NOP9: variants seen among roughly 807,000 people sequenced by gnomAD.
NOP9 encodes the protein NOP9 nucleolar protein, also known as nucleolar protein 9.
Under a neutral mutation model 63.0 loss-of-function variants are expected in NOP9, and 50 were observed. That is an observed-to-expected ratio of 0.79 (90% confidence interval 0.63 to 1.00). The LOEUF (loss-of-function observed/expected upper bound fraction) is 1.00. Ranked by LOEUF, NOP9 falls within the 50% of genes least tolerant of loss-of-function variation. The probability of loss-of-function intolerance (pLI) is 0.00; values close to 1 mark genes in which losing one functional copy is unlikely to be tolerated. For missense variants in NOP9, 758 were observed against 803.0 expected (o/e 0.94, Z 0.68); for synonymous variants, 343 against 332.8 (o/e 1.03, Z -0.33).
intron 9 of NOP9, 42 bp from the exon 10 acceptor site, chr14:24,304,896 T>C: frequency 1.3e-6 from 2 of 1,495,390 alleles, no homozygotes; most frequent in Non-Finnish European, 1.8e-6. Flanking sequence ...AGAGTCTGTC[T>C]TTGAGCATGG....
At chr14:24,298,426 C>T (rs1200158901), upstream of NOP9, among the ~76,000 whole-genome samples, 1 of 152,028 alleles carries the variant, frequency 6.6e-6, no homozygotes. Flanking sequence ...CAATGCCTAG[C>T]AAATCATGGA....
rs1271094105 is a variant in NOP9, at chr14:24,303,922, C to G, written c.1410+65C>G. ...GTCAGGCCTCCCAGGGTTTAGCAAGCGTCTGACTTCTGAGGTGAGAGTGGT... is the reference window on the plus strand; with the variant it reads ...GTCAGGCCTCCCAGGGTTTAGCAAGGGTCTGACTTCTGAGGTGAGAGTGGT... On this transcript the variant is annotated intron_variant, in intron 7 of 9. Coordinates refer to ENST00000267425, the MANE Select transcript of NOP9 (RefSeq NM_174913.3). 17 of 1,599,576 alleles carry G rather than the reference C, an allele frequency of 1.1e-5. No individual in the cohort carries two copies. The South Asian group carries it at 1.9e-4, about 18-fold the overall frequency.
At position 24,304,921 on chromosome 14, in the gene NOP9, A is replaced by T; in HGVS notation, c.1754-17A>T. ...TTTGAGCATGGTAGTACTAAACATG[A>T]GTGGTTCCCTTTGCAGGGGAGCAGA... is the stretch of plus-strand genomic sequence containing the variant. On this transcript the variant is annotated splice_polypyrimidine_tract_variant and intron_variant, in intron 9 of 9. Transcript: ENST00000267425. 6.6e-7 allele frequency: 1 copy of T among 1,513,592 alleles called. No homozygotes were observed. The allele number at this position is 1,513,592 out of a possible 1,614,324, so 93.8% of individuals were successfully genotyped here.
the NOP9 span, among the ~76,000 whole-genome samples, chr14:24,282,756 A>G: frequency 1.3e-5 from 2 of 152,152 alleles, no homozygotes; most frequent in Non-Finnish European, 2.9e-5. Context: ...TCCATTCTCA[A>G]GGGTCTACAG....
upstream of NOP9, chr14:24,296,647 G>C: frequency 6.2e-7 from 1 of 1,613,404 alleles, no homozygotes; most frequent in South Asian, 1.1e-5. Context: ...GAGGGGCTGG[G>C]TAATGGAAGG....
chr14:24,302,239 C>T lies in NOP9; in HGVS notation c.958C>T (p.Leu320=), dbSNP rs1371241124. The T allele has an allele frequency of 1.2e-6, 2 of 1,611,704 alleles. No individual in the cohort carries two copies. Among genetic ancestry groups the T allele is most frequent in the African/African-American group, 1.3e-5 (1 of 74,894 alleles). The part of the protein sequence containing the change: ...RGSSVDGSPL[L]LFLRDQTSSR... ...TGCCCTTCTTGTCCCTAGTCCCCTA[C>T]TGCTATTTCTCCGAGATCAGACGAG... Residue 320 remains leucine, a synonymous_variant, in exon 5 of 10, where the codon CTG becomes TTG. Transcript: ENST00000267425.
Position 24,303,176 on chromosome 14 carries a change from G to A in NOP9, c.1246G>A (p.Gly416Arg), listed in dbSNP as rs1175553860. 1 of 1,613,928 alleles carries A rather than the reference G, an allele frequency of 6.2e-7. No homozygotes were observed. Among genetic ancestry groups the A allele is most frequent in the African/African-American group, 1.3e-5 (1 of 74,894 alleles). Residue 416 changes from glycine (G) to arginine (R), a missense_variant, in exon 6 of 10, where the codon GGG (glycine) becomes AGG (arginine). Physicochemically the swap from Gly to Arg is moderately radical, Grantham distance 125. Transcript: ENST00000267425. ...CCTGGTGGGGGCCTGTCGCAGAGTT[G>A]GGGCCTACCAAGCCAAGGTCCTACA... The part of the protein sequence containing the change: ...IALVGACRRV[G>R]AYQAKVLQLL...
chr14:24,292,217 C>A, the NOP9 span: 1 of 1,614,190 alleles, frequency 6.2e-7, no homozygotes, highest in Non-Finnish European at 8.5e-7. Flanking sequence ...GGACCTCCTC[C>A]TTTGCCATAT....
Position 24,302,129 on chromosome 14 carries a change from G to A in NOP9, c.950+23G>A, listed in dbSNP as rs770145776. On this transcript the variant is annotated intron_variant, in intron 4 of 9. Transcript: ENST00000267425. ...CAGGTATGGTCAGGGCCTCAGGATC[G>A]ACCCAAGTTGGCGGGGCTGTGTGAA... is the stretch of plus-strand genomic sequence containing the variant. The A allele has an allele frequency of 1.1e-5, 18 of 1,607,028 alleles. No homozygotes were observed. The South Asian group carries it at 1.7e-4, about 15-fold the overall frequency.
At position 24,305,319 on chromosome 14, in the gene NOP9, A is replaced by G. The variant is rs976404118; in HGVS notation, c.*224A>G. ...GCTGGGGAGTTTAGGGACAGGAGGCATTGGTAGGGGATTAGATGTAGCAGC... is the reference window on the plus strand; with the variant it reads ...GCTGGGGAGTTTAGGGACAGGAGGCGTTGGTAGGGGATTAGATGTAGCAGC... On this transcript the variant is annotated 3_prime_UTR_variant, in exon 10 of 10. Coordinates refer to ENST00000267425, the MANE Select transcript of NOP9 (RefSeq NM_174913.3). 2.5e-5 allele frequency: 14 copies of G among 558,878 alleles called. No individual in the cohort carries two copies. The South Asian group carries it at 3.9e-4, about 15-fold the overall frequency. 34.6% of individuals were successfully genotyped at this position (558,878 alleles called of 1,614,324 possible).
chr14:24,275,615 C>T, the NOP9 span, among the ~76,000 whole-genome samples: 1 of 152,214 alleles, frequency 6.6e-6, no homozygotes, highest in Admixed American at 6.5e-5. Flanking sequence ...GGACCCTGAG[C>T]CCGTCACAGA....
At chr14:24,274,230 G>A in the NOP9 span, among the ~76,000 whole-genome samples, 3 of 152,250 alleles carry the variant, frequency 2.0e-5, no homozygotes, top group East Asian at 3.9e-4. Context: ...GTGCAGATTT[G>A]CCAGGTACAG....
chr14:24,300,319 C>T (rs2041346971), intron 1 of NOP9, 89 bp from the exon 2 acceptor site: 6 of 1,545,826 alleles, frequency 3.9e-6, no homozygotes, highest in South Asian at 2.4e-5. Flanking sequence ...TCTTCCTCGG[C>T]CTCCGACCCA....
the NOP9 span, among the ~76,000 whole-genome samples, chr14:24,283,243 C>A: frequency 6.6e-6 from 1 of 152,186 alleles, no homozygotes; most frequent in Admixed American, 6.6e-5. Flanking sequence ...AATGGCTTGC[C>A]ATTGTACATA....
the NOP9 span, among the ~76,000 whole-genome samples, chr14:24,287,600 A>G: frequency 6.6e-6 from 1 of 152,194 alleles, no homozygotes; most frequent in African/African-American, 2.4e-5. Flanking sequence ...CTGGAAATGT[A>G]TTCCATACTG....
chr14:24,302,486 A>G (rs897393453), intron 5 of NOP9, 62 bp downstream of exon 5: 3 of 1,482,948 alleles, frequency 2.0e-6, no homozygotes, highest in Non-Finnish European at 2.8e-6. Flanking sequence ...ACCTTATTTT[A>G]TGGTCTGTCT....
At chr14:24,273,478 C>T in the NOP9 span, among the ~76,000 whole-genome samples, 1 of 152,216 alleles carries the variant, frequency 6.6e-6, no homozygotes, top group African/African-American at 2.4e-5. Context: ...CATGCCCCGC[C>T]AGTGCTTTAA....
intron 2 of NOP9, among the ~76,000 whole-genome samples, chr14:24,301,200 A>C (rs968954215): frequency 2.0e-5 from 3 of 152,014 alleles, no homozygotes; most frequent in African/African-American, 7.3e-5. Context: ...CATGCAGCCC[A>C]CTCTGTTATT....
the NOP9 span, among the ~76,000 whole-genome samples, chr14:24,289,172 C>G: frequency 6.6e-6 from 1 of 151,998 alleles, no homozygotes; most frequent in African/African-American, 2.4e-5. Context: ...TTAGTAGAGA[C>G]GAGGTTTCAT....
Sources: allele counts gnomAD v4.1 joint callset (sites outside exome capture counted in the v4.1 genomes callset), GRCh38; gene constraint gnomAD v4.1.1; transcripts MANE v1.5; gene names NCBI Gene and HGNC (gene_info 2026-07-23, HGNC 2026-07-21).